TXNL1: variants seen among roughly 807,000 people sequenced by gnomAD.
TXNL1 encodes the protein thioredoxin-like protein 1.
Under a neutral mutation model 35.5 loss-of-function variants are expected in TXNL1, and 14 were observed. The observed-to-expected ratio is 0.39, with a 90% CI of 0.26 to 0.62. The LOEUF is 0.62. TXNL1 is among the 20% of genes least tolerant of loss of function. The pLI is 0.47. For missense variants in TXNL1, 263 were observed against 349.7 expected (o/e 0.75, Z 1.98); for synonymous variants, 110 against 115.5 (o/e 0.95, Z 0.31).
chr18:56,617,407 A>G (rs996593282), intron 4 of TXNL1, among the ~76,000 whole-genome samples: 1 of 152,212 alleles, frequency 6.6e-6, no homozygotes, highest in African/African-American at 2.4e-5. Context: ...GGAAACATGC[A>G]ACTTTATATT....
rs1348302747 is a variant in TXNL1 at position 56,600,359 on chromosome 18, T to C, written c.*2668A>G. ...GCAGGTTTCAACTCTAATTGTTACG[T>C]GGCTGCCTCCAACAGAATATTGAGA... On this transcript the variant is annotated 3_prime_UTR_variant, in exon 8 of 8. Coordinates refer to ENST00000217515, the MANE Select transcript of TXNL1 (RefSeq NM_004786.3). The C allele has an allele frequency of 6.6e-6, 1 of 150,416 alleles. No individual in the cohort carries two copies. Among genetic ancestry groups the C allele is most frequent in the Non-Finnish European group, 1.5e-5 (1 of 67,696 alleles). 9.3% of individuals were successfully genotyped at this position (150,416 alleles called of 1,614,324 possible). A position where few individuals can be genotyped will look rare whatever the true frequency, so the allele number is the denominator to read the frequency against.
intron 3 of TXNL1, among the ~76,000 whole-genome samples, chr18:56,619,090 T>C (rs2024137240): frequency 6.6e-6 from 1 of 151,642 alleles, no homozygotes; most frequent in Admixed American, 6.6e-5. Context: ...GGCATGTGCC[T>C]TTAGTCCCAG....
intron 1 of TXNL1, among the ~76,000 whole-genome samples, chr18:56,627,857 T>TA (rs34347766): frequency 0.016 from 2,270 of 138,112 alleles, 35 homozygotes; most frequent in Non-Finnish European, 0.019. Context: ...CAAGAAGTAC[T>TA]AAAAAAAAAA....
In TXNL1 at chr18:56,623,510, T is replaced by A. The variant is rs1312530997; in HGVS notation, c.369+778A>T. Among the ~76,000 whole-genome samples the A allele has an allele frequency of 3.3e-5, 5 of 152,176 alleles. No individual in the cohort carries two copies. In the East Asian group the frequency reaches 9.6e-4, roughly 29 times the overall value. On this transcript the variant is annotated intron_variant, in intron 3 of 7. Transcript: ENST00000217515. ...TCTTTGATCTGCCAGTGCAGTAACT[T>A]TGTAACCAGAGAAATTAAAAACTAT...
chr18:56,613,054 G>A (rs611549), intron 6 of TXNL1, among the ~76,000 whole-genome samples: 14,717 of 151,904 alleles, frequency 0.097, 859 homozygotes, highest in Non-Finnish European at 0.13. Context: ...TGCCCAGGCT[G>A]GTCTCAAAAT....
chr18:56,618,755 G>A (rs1598917434), intron 3 of TXNL1, among the ~76,000 whole-genome samples: 1 of 149,036 alleles, frequency 6.7e-6, no homozygotes. Context: ...TAAGCAATAA[G>A]AACTTAAAAA....
intron 3 of TXNL1, among the ~76,000 whole-genome samples, chr18:56,621,572 T>C (rs887800189): frequency 3.3e-5 from 5 of 152,216 alleles, no homozygotes; most frequent in African/African-American, 1.2e-4. Context: ...ATTATTACAT[T>C]GCATAGTTGA....
Position 56,638,420 on chromosome 18 carries a change from G to A in TXNL1, c.21C>T (p.Val7=), listed in dbSNP as rs1188509067. MVGVKP[V]GSDPDFQPEL... ...CTGGCTGGAAATCCGGGTCGCTCCC[G>A]ACGGGCTTCACCCCCACCATCCTCA... Residue 7 remains valine (V), a synonymous_variant, in exon 1 of 8, where the codon GTC becomes GTT. Transcript: ENST00000217515. 1.2e-6 allele frequency: 2 copies of A among 1,613,480 alleles called. No individual in the cohort carries two copies. The highest frequency in any genetic ancestry group is 1.7e-6 in the Non-Finnish European group (2 of 1,179,726).
intron 7 of TXNL1, among the ~76,000 whole-genome samples, chr18:56,604,779 G>C (rs187883735): frequency 6.6e-6 from 1 of 151,910 alleles, no homozygotes; most frequent in East Asian, 1.9e-4. Context: ...TTCCAACGAG[G>C]AAAAGAAAAC....
At chr18:56,603,114 T>G (rs1238889748) in intron 7 of TXNL1, 58 bp from the exon 8 acceptor site, 2 of 1,376,226 alleles carry the variant, frequency 1.5e-6, no homozygotes, top group South Asian at 1.2e-5. Context: ...TATGAGTTAT[T>G]AAAAATACTA....
At chr18:56,627,508 G>C (rs1222427952) in intron 1 of TXNL1, among the ~76,000 whole-genome samples, 1 of 152,112 alleles carries the variant, frequency 6.6e-6, no homozygotes, top group African/African-American at 2.4e-5. Context: ...TTTATTAAGA[G>C]AATATAGTAC....
chr18:56,605,801 A>T (rs2023883292), intron 7 of TXNL1, among the ~76,000 whole-genome samples: 1 of 152,224 alleles, frequency 6.6e-6, no homozygotes, highest in Non-Finnish European at 1.5e-5. Flanking sequence ...AAGTTGTAAT[A>T]GCATGAAAGG....
chr18:56,616,342 G>C, intron 4 of TXNL1, 28 bp from the exon 5 acceptor site: 2 of 1,603,140 alleles, frequency 1.2e-6, no homozygotes, highest in Non-Finnish European at 1.7e-6. Flanking sequence ...TCATTTTAAA[G>C]GGCTCTTGTA....
intron 6 of TXNL1, 122 bp from the exon 7 acceptor site, chr18:56,611,219 G>A: frequency 1.5e-6 from 1 of 667,122 alleles, no homozygotes; most frequent in Non-Finnish European, 2.4e-6. Flanking sequence ...ATTAATCTAG[G>A]CTGGGTGCAG....
At chr18:56,619,647 A>G (rs937461430) in intron 3 of TXNL1, among the ~76,000 whole-genome samples, 11 of 151,566 alleles carry the variant, frequency 7.3e-5, no homozygotes, top group African/African-American at 2.7e-4. Flanking sequence ...TTTACCGTTT[A>G]CTTCCCTGTG....
rs747328229 is a variant in TXNL1 at position 56,599,561 on chromosome 18, AT to A, written c.*3465del. 2.2e-3 allele frequency: 319 copies of A among 143,796 alleles called. 1 individual carries two copies. The highest frequency in any genetic ancestry group is 3.7e-3 in the Middle Eastern group (1 of 272). 8.9% of individuals were successfully genotyped at this position (143,796 alleles called of 1,614,324 possible). On this transcript the variant is annotated 3_prime_UTR_variant, in exon 8 of 8. Coordinates refer to ENST00000217515, the MANE Select transcript of TXNL1 (RefSeq NM_004786.3). ...TTTTCTTTAGCAGTTCTGTGAATGG[AT>A]TTTTTTTTTTTTTCTTTTGAGACAG... is the stretch of plus-strand genomic sequence containing the variant.
In TXNL1 at chr18:56,614,563, T is replaced by C; in HGVS notation, c.596A>G (p.Asn199Ser). Residue 199 changes from asparagine to serine, a missense_variant, in exon 6 of 8, where the codon AAC becomes AGC. Coordinates refer to ENST00000217515, the MANE Select transcript of TXNL1 (RefSeq NM_004786.3). ...TTCAAAATCCATAGATCGGGGTAGGTTGATAAAAATTTTTACATATTTAGG... is the reference window on the plus strand; with the variant it reads ...TTCAAAATCCATAGATCGGGGTAGGCTGATAAAAATTTTTACATATTTAGG... ...QGPKYVKIFI[N>S]LPRSMDFEEA... The C allele has an allele frequency of 6.2e-7, 1 of 1,613,628 alleles. No individual in the cohort carries two copies. The highest frequency in any genetic ancestry group is 1.1e-5 in the South Asian group (1 of 91,034).
At chr18:56,619,185 G>C (rs2024139099) in intron 3 of TXNL1, among the ~76,000 whole-genome samples, 2 of 141,920 alleles carry the variant, frequency 1.4e-5, no homozygotes, top group Non-Finnish European at 3.0e-5. Flanking sequence ...TTGTACTCCA[G>C]CCCAGGCAGC....
At position 56,597,905 on chromosome 18, in the gene TXNL1, A is replaced by G. The variant is rs1392564495; in HGVS notation, c.*5122T>C. 2.0e-5 allele frequency: 3 copies of G among 152,214 alleles called. No homozygotes were observed. The highest frequency in any genetic ancestry group is 4.8e-5 in the African/African-American group (2 of 41,458). 9.4% of individuals were successfully genotyped at this position (152,214 alleles called of 1,614,324 possible). ...AGAGCTACTTCTATATTCAATTGTAAAAGTGAGAACCTTGTGAGACATCAC... is the reference window on the plus strand; with the variant it reads ...AGAGCTACTTCTATATTCAATTGTAGAAGTGAGAACCTTGTGAGACATCAC... On this transcript the variant is annotated 3_prime_UTR_variant, in exon 8 of 8. Coordinates refer to ENST00000217515, the MANE Select transcript of TXNL1 (RefSeq NM_004786.3).
Sources: allele counts gnomAD v4.1 joint callset (sites outside exome capture counted in the v4.1 genomes callset), GRCh38; gene constraint gnomAD v4.1.1; transcripts MANE v1.5; gene names NCBI Gene and HGNC (gene_info 2026-07-23, HGNC 2026-07-21).